SERPINB13: variants seen among roughly 807,000 people sequenced by gnomAD.
The protein encoded by SERPINB13 is serpin B13.
SERPINB13 carries 26 observed loss-of-function variants against 31.2 expected under a neutral mutation model. The observed-to-expected ratio is 0.83, with a 90% CI of 0.61 to 1.15. SERPINB13 has a LOEUF of 1.15. Ranked by LOEUF, SERPINB13 falls within the 50% of genes most tolerant of loss-of-function variation. The pLI is 0.00. For synonymous variants in SERPINB13, 191 were observed against 172.4 expected (o/e 1.11, Z -0.85); for missense variants, 510 against 469.4 (o/e 1.09, Z -0.80).
chr18:63,593,481 C>T (rs970693937), intron 5 of SERPINB13, among the ~76,000 whole-genome samples: 8 of 152,174 alleles, frequency 5.3e-5, no homozygotes, highest in Admixed American at 1.3e-4. Flanking sequence ...TTCATCTTCA[C>T]TTAAGCATAG....
At chr18:63,593,095 C>T (rs1215144480) in intron 5 of SERPINB13, 124 bp downstream of exon 5, 2 of 667,822 alleles carry the variant, frequency 3.0e-6, no homozygotes, top group Admixed American at 2.6e-5. Flanking sequence ...GGGTGCCATG[C>T]AGTGCACAAG....
rs79360321 is a variant in SERPINB13 at position 63,590,249 on chromosome 18, C to T, written c.225+534C>T. On this transcript the variant is annotated intron_variant, in intron 3 of 7. Transcript: ENST00000344731. Reference sequence around the variant, plus strand: ...AAAATTATTACAGGCCCAATGACTTCCTGAGGTCTTTTCCAGCTCCAGTGT... The same window carrying T: ...AAAATTATTACAGGCCCAATGACTTTCTGAGGTCTTTTCCAGCTCCAGTGT... Among the ~76,000 whole-genome samples, 961 of 152,228 alleles carry T rather than the reference C, an allele frequency of 6.3e-3. 45 individuals carry two copies. The East Asian group carries it at 0.15, about 23-fold the overall frequency.
chr18:63,593,250 C>A (rs1395492566), intron 5 of SERPINB13, among the ~76,000 whole-genome samples: 1 of 152,114 alleles, frequency 6.6e-6, no homozygotes, highest in Non-Finnish European at 1.5e-5. Context: ...TGCATGAAGC[C>A]AAATGCACGG....
chr18:63,593,762 A>G (rs1911992821), intron 5 of SERPINB13, among the ~76,000 whole-genome samples: 2 of 152,360 alleles, frequency 1.3e-5, no homozygotes, highest in African/African-American at 4.8e-5. Flanking sequence ...AGAAACAGAA[A>G]AAATAGGATC....
In SERPINB13 at chr18:63,595,013, T is replaced by A; in HGVS notation, c.616-16T>A. On this transcript the variant is annotated splice_polypyrimidine_tract_variant and intron_variant, in intron 6 of 7. Coordinates refer to ENST00000344731, the MANE Select transcript of SERPINB13 (RefSeq NM_012397.4). ...TTATGTCCTTTGATATTGTGTGCTC[T>A]GTTAATTTGTTGCAGAGCACAAGTA... is the stretch of plus-strand genomic sequence containing the variant. 1 of 1,600,000 alleles carries A rather than the reference T, an allele frequency of 6.3e-7. No homozygotes were observed. Among genetic ancestry groups the A allele is most frequent in the Non-Finnish European group, 8.5e-7 (1 of 1,175,210 alleles).
At chr18:63,596,365 T>C (rs890174860) in intron 7 of SERPINB13, among the ~76,000 whole-genome samples, 8 of 152,256 alleles carry the variant, frequency 5.3e-5, no homozygotes, top group Non-Finnish European at 1.0e-4. Context: ...GTTGCCTTTC[T>C]GAGTAAAATC....
intron 3 of SERPINB13, 36 bp from the exon 4 acceptor site, chr18:63,592,312 A>G (rs1911899532): frequency 6.3e-7 from 1 of 1,592,124 alleles, no homozygotes; most frequent in South Asian, 1.2e-5. Context: ...TGCTTTTGCC[A>G]AGATAACCTG....
At chr18:63,590,045 G>A in intron 3 of SERPINB13, 1 of 241,792 alleles carries the variant, frequency 4.1e-6, no homozygotes. Context: ...CCAAGTCCTG[G>A]CTCAGTCACT....
At chr18:63,590,817 T>C (rs914121642) in intron 3 of SERPINB13, among the ~76,000 whole-genome samples, 4 of 152,130 alleles carry the variant, frequency 2.6e-5, no homozygotes, top group African/African-American at 9.7e-5. Context: ...GCCACAGGGG[T>C]ATGAAGAGAA....
rs200925982 is a variant in SERPINB13, at chr18:63,588,731, A to G, written c.64A>G (p.Thr22Ala). ...GFDLFKELKK[T>A]NDGNIFFSPV... ...TGATCTTTTCAAAGAGCTGAAGAAA[A>G]CAAATGATGGCAACATCTTCTTTTC... The change falls in exon 2 of 8, where the codon ACA becomes GCA. Residue 22 changes from threonine to alanine, a missense_variant. Thr to Ala is a moderately conservative substitution (Grantham distance 58). Transcript: ENST00000344731. 13 of 1,614,172 alleles carry G rather than the reference A, an allele frequency of 8.1e-6. No homozygotes were observed. The African/African-American group carries it at 1.5e-4, about 18-fold the overall frequency.
At chr18:63,596,553 A>G (rs1912178713) in intron 7 of SERPINB13, among the ~76,000 whole-genome samples, 2 of 152,236 alleles carry the variant, frequency 1.3e-5, no homozygotes, top group Admixed American at 1.3e-4. Flanking sequence ...AATATTATCT[A>G]GCTGTTTGAA....
intron 7 of SERPINB13, among the ~76,000 whole-genome samples, chr18:63,595,757 G>A (rs922717750): frequency 6.6e-6 from 1 of 152,010 alleles, no homozygotes; most frequent in African/African-American, 2.4e-5. Flanking sequence ...AAATTAGCCT[G>A]GCGTGGTTGT....
chr18:63,594,902 C>A, intron 6 of SERPINB13, 127 bp from the exon 7 acceptor site: 3 of 867,530 alleles, frequency 3.5e-6, no homozygotes, highest in Non-Finnish European at 3.4e-6. Flanking sequence ...AGTGGATGCT[C>A]ATTCTGAGAC....
intron 5 of SERPINB13, among the ~76,000 whole-genome samples, chr18:63,593,440 C>A (rs952200337): frequency 6.6e-6 from 1 of 152,174 alleles, no homozygotes; most frequent in African/African-American, 2.4e-5. Flanking sequence ...CAAGACTTGT[C>A]GTTCCCATCC....
At position 63,597,461 on chromosome 18, in the gene SERPINB13, C is replaced by A; in HGVS notation, c.*98C>A. On this transcript the variant is annotated 3_prime_UTR_variant, in exon 8 of 8. Coordinates refer to ENST00000344731, the MANE Select transcript of SERPINB13 (RefSeq NM_012397.4). ...TCGTCCATTCTTTTAAATGTTGTCT[C>A]ACTTGCATTTCCAGTCTTGGCCATC... The A allele has an allele frequency of 7.8e-7, 1 of 1,286,664 alleles. No homozygotes were observed. The highest frequency in any genetic ancestry group is 1.1e-6 in the Non-Finnish European group (1 of 934,458). The allele number at this position is 1,286,664 out of a possible 1,614,324, so 79.7% of individuals were successfully genotyped here. A position where few individuals can be genotyped will look rare whatever the true frequency, so the allele number is the denominator to read the frequency against.
Position 63,587,366 on chromosome 18 carries a change from C to G in SERPINB13, c.-102C>G, listed in dbSNP as rs1277307620. The G allele has an allele frequency of 2.1e-6, 1 of 468,200 alleles. No individual in the cohort carries two copies. The highest frequency in any genetic ancestry group is 4.4e-6 in the Non-Finnish European group (1 of 226,216). The allele number at this position is 468,200 out of a possible 1,614,324, so 29.0% of individuals were successfully genotyped here. ...CCACTGCTGAAGCAGATGTGGAGAACTATAAATTAAGGATCCCAGCTACTT... is the reference window on the plus strand; with the variant it reads ...CCACTGCTGAAGCAGATGTGGAGAAGTATAAATTAAGGATCCCAGCTACTT... On this transcript the variant is annotated 5_prime_UTR_variant, in exon 1 of 8. Transcript: ENST00000344731.
In SERPINB13 at chr18:63,592,898, A is replaced by C; in HGVS notation, c.399A>C (p.Glu133Asp). ...YVEKYYHASL[E>D]PVDFVNAADE... ...AAAAATATTATCATGCATCTCTGGA[A>C]CCTGTTGATTTTGTAAATGCAGCCG... The change falls in exon 5 of 8, where the codon GAA becomes GAC. Residue 133 changes from glutamate to aspartate, a missense_variant. Transcript: ENST00000344731. The C allele has an allele frequency of 6.2e-7, 1 of 1,612,726 alleles. No homozygotes were observed. Among genetic ancestry groups the C allele is most frequent in the Non-Finnish European group, 8.5e-7 (1 of 1,179,216 alleles).
chr18:63,590,422 AACCATGGCTCAGATC>A (rs1197413832), intron 3 of SERPINB13, among the ~76,000 whole-genome samples: 1 of 152,114 alleles, frequency 6.6e-6, no homozygotes, highest in Non-Finnish European at 1.5e-5. Context: ...ACCCTCATAA[AACCATGGCTCAGATC>A]ACCCAGCAAT....
rs1017433424 is a variant in SERPINB13, at chr18:63,594,223, T to C, written c.473-132T>C. ...GTCGATTCTGCCAGCAAACCCTTTG[T>C]CAGCAAGGCCCTCAGGTGCTGACCT... On this transcript the variant is annotated intron_variant, in intron 5 of 7. Coordinates refer to ENST00000344731, the MANE Select transcript of SERPINB13 (RefSeq NM_012397.4). 4 of 1,546,092 alleles carry C rather than the reference T, an allele frequency of 2.6e-6. No homozygotes were observed. In the East Asian group the frequency reaches 7.4e-5, roughly 28 times the overall value.
Sources: gnomAD v4.1 joint callset for allele counts (sites outside exome capture counted in the v4.1 genomes callset) on GRCh38, gnomAD v4.1.1 for gene constraint, MANE v1.5 for transcripts, NCBI Gene and HGNC (gene_info 2026-07-23, HGNC 2026-07-21) for gene names.